Variants in NWD2 observed in about 807,000 individuals in gnomAD.
NWD2 encodes the protein NACHT and WD repeat domain containing 2, also known as NACHT and WD repeat domain-containing protein 2.
A neutral mutation model predicts 132.7 loss-of-function variants in NWD2; 37 were observed. That is an observed-to-expected ratio of 0.28 (90% CI 0.21 to 0.37). NWD2 has a LOEUF of 0.37. Ranked by LOEUF, NWD2 falls within the 10% of genes least tolerant of loss-of-function variation. The pLI, the probability that NWD2 is intolerant of heterozygous loss-of-function variation, is 1.00. For missense variants in NWD2, 1,592 were observed against 2,122.4 expected, an observed-to-expected ratio of 0.75 and a Z score of 4.91; for synonymous variants, 705 against 803.0, an observed-to-expected ratio of 0.88 and a Z score of 2.06.
At chr4:37,316,383 A>AT (rs572644190) in intron 1 of NWD2, among the ~76,000 whole-genome samples, 3 of 150,858 alleles carry the variant, frequency 2.0e-5, no homozygotes, top group Non-Finnish European at 4.4e-5. Context: ...ATATGTGATA[A>AT]TTTTTTTTCT....
At chr4:37,319,064 C>T (rs1719018227) in intron 1 of NWD2, among the ~76,000 whole-genome samples, 1 of 152,150 alleles carries the variant, frequency 6.6e-6, no homozygotes, top group Non-Finnish European at 1.5e-5. Flanking sequence ...AACTGCTTTC[C>T]ACAGTGAATA....
chr4:37,401,481 C>G (rs917277831), intron 3 of NWD2, among the ~76,000 whole-genome samples: 1 of 152,162 alleles, frequency 6.6e-6, no homozygotes, highest in African/African-American at 2.4e-5. Context: ...TGACTCTATT[C>G]CATTGCTTTG....
At chr4:37,375,818 C>T (rs981745729) in intron 3 of NWD2, among the ~76,000 whole-genome samples, 1 of 152,140 alleles carries the variant, frequency 6.6e-6, no homozygotes, top group African/African-American at 2.4e-5. Flanking sequence ...CCACCCGCCT[C>T]GGCCTCCCAA....
At chr4:37,350,986 T>G (rs1719748823) in intron 2 of NWD2, among the ~76,000 whole-genome samples, 1 of 152,186 alleles carries the variant, frequency 6.6e-6, no homozygotes, top group South Asian at 2.1e-4. Flanking sequence ...TAGATTAAAT[T>G]GATTTGTGTA....
At chr4:37,298,213 G>A (rs1237590757) in intron 1 of NWD2, among the ~76,000 whole-genome samples, 1 of 152,112 alleles carries the variant, frequency 6.6e-6, no homozygotes, top group Non-Finnish European at 1.5e-5. Context: ...ATGGAGCAAA[G>A]CTGAGCCCAT....
intron 3 of NWD2, among the ~76,000 whole-genome samples, chr4:37,386,763 T>G (rs1720572148): frequency 6.6e-6 from 1 of 152,026 alleles, no homozygotes; most frequent in African/African-American, 2.4e-5. Flanking sequence ...TGGGAGGTGT[T>G]CATGGGGTGG....
chr4:37,428,413 T>C (rs1417034628), intron 3 of NWD2, among the ~76,000 whole-genome samples: 2 of 152,240 alleles, frequency 1.3e-5, no homozygotes, highest in Non-Finnish European at 2.9e-5. Flanking sequence ...TGTAGGGTTA[T>C]GTAAGAGGTC....
chr4:37,356,854 C>T (rs1000792436), intron 3 of NWD2, among the ~76,000 whole-genome samples: 8 of 152,122 alleles, frequency 5.3e-5, no homozygotes, highest in South Asian at 2.1e-4. Flanking sequence ...TAGTTCTTAA[C>T]GCTAGAATTT....
chr4:37,366,762 T>C (rs1720107042), intron 3 of NWD2, among the ~76,000 whole-genome samples: 1 of 152,148 alleles, frequency 6.6e-6, no homozygotes. Flanking sequence ...TGTTTCATAA[T>C]GATAAAAGGT....
chr4:37,282,559 T>C lies in NWD2; in HGVS notation c.151+37341T>C, dbSNP rs150791651. On this transcript the variant is annotated intron_variant, in intron 1 of 6. Transcript: ENST00000309447. ...AGTCAGTCTGAATCCTTGCACAATT[T>C]GAGTTGTAAAAATAGTCAACCACAG... 3.6e-3 allele frequency among the ~76,000 whole-genome samples: 556 copies of C among 152,342 alleles called. 1 individual carries two copies. The highest frequency in any genetic ancestry group is 0.024 in the Middle Eastern group (7 of 294).
intron 1 of NWD2, among the ~76,000 whole-genome samples, chr4:37,264,920 A>G (rs1488728177): frequency 6.6e-6 from 1 of 152,136 alleles, no homozygotes; most frequent in Non-Finnish European, 1.5e-5. Context: ...TAACATTTAC[A>G]CTATTAGCAT....
At chr4:37,359,042 T>C (rs1347501830) in intron 3 of NWD2, among the ~76,000 whole-genome samples, 1 of 152,156 alleles carries the variant, frequency 6.6e-6, no homozygotes, top group Admixed American at 6.6e-5. Context: ...TAATCCAGCC[T>C]TGGAAATTCA....
intron 3 of NWD2, among the ~76,000 whole-genome samples, chr4:37,402,942 A>G (rs1189885372): frequency 6.6e-6 from 1 of 152,212 alleles, no homozygotes; most frequent in African/African-American, 2.4e-5. Context: ...TGTACTTTGA[A>G]TGCTTCAAGG....
Position 37,420,310 on chromosome 4 carries a change from G to A in NWD2, c.358-10262G>A, listed in dbSNP as rs115224906. Among the ~76,000 whole-genome samples, 718 of 152,230 alleles carry A rather than the reference G, an allele frequency of 4.7e-3. 2 individuals carry two copies. Among genetic ancestry groups the A allele is most frequent in the Non-Finnish European group, 8.4e-3 (574 of 68,010 alleles). On this transcript the variant is annotated intron_variant, in intron 3 of 6. Transcript: ENST00000309447. ...TTCTGTAGCCTAGCTAAAGGTTGGT[G>A]ATCCTCAACTCCACCCTCTTTCCAC...
At chr4:37,336,073 T>C (rs1051264795) in intron 2 of NWD2, among the ~76,000 whole-genome samples, 1 of 151,958 alleles carries the variant, frequency 6.6e-6, no homozygotes, top group African/African-American at 2.4e-5. Context: ...TTGCCAAAAA[T>C]GTTTTTATTT....
intron 5 of NWD2, among the ~76,000 whole-genome samples, chr4:37,434,256 C>T (rs1030940061): frequency 6.6e-6 from 1 of 152,098 alleles, no homozygotes; most frequent in African/African-American, 2.4e-5. Flanking sequence ...CAGAGGTGGC[C>T]CCGGATATAA....
Position 37,244,869 on chromosome 4 carries a change from G to A in NWD2, c.-199G>A. ...CAGGAGACCGCCGCGACAGGAGCCCGAGGGTCCGTATGGCTTCTCCTCGCC... is the reference window on the plus strand; with the variant it reads ...CAGGAGACCGCCGCGACAGGAGCCCAAGGGTCCGTATGGCTTCTCCTCGCC... On this transcript the variant is annotated 5_prime_UTR_variant, in exon 1 of 7. Coordinates refer to ENST00000309447, the MANE Select transcript of NWD2 (RefSeq NM_001144990.2). The surrounding 1 kb of genome is among the most constrained non-coding windows in gnomAD (Gnocchi z 5.5). The A allele has an allele frequency of 3.2e-6, 2 of 616,806 alleles. No homozygotes were observed. The highest frequency in any genetic ancestry group is 5.4e-6 in the Non-Finnish European group (2 of 372,100). 38.2% of individuals were successfully genotyped at this position (616,806 alleles called of 1,614,324 possible).
intron 2 of NWD2, 31 bp downstream of exon 2, chr4:37,326,055 A>G (rs911610279): frequency 5.3e-5 from 70 of 1,325,548 alleles, no homozygotes; most frequent in Non-Finnish European, 7.2e-5. Context: ...ATTCACAGTT[A>G]TGTCCAGTTA....
intron 3 of NWD2, among the ~76,000 whole-genome samples, chr4:37,383,169 G>T (rs565449459): frequency 2.7e-3 from 409 of 152,280 alleles, no homozygotes; most frequent in African/African-American, 9.2e-3. Context: ...CTTTTAGGAA[G>T]ACCCGAGAAT....
Sources: gnomAD v4.1 joint callset for allele counts (sites outside exome capture counted in the v4.1 genomes callset) on GRCh38, gnomAD v4.1.1 for gene constraint, Gnocchi (gnomAD v3.1) non-coding constraint, MANE v1.5 for transcripts, NCBI Gene and HGNC (gene_info 2026-07-23, HGNC 2026-07-21) for gene names.